Variants in KYNU observed in about 807,000 individuals in gnomAD.
KYNU encodes the protein kynureninase.
In KYNU, 54 loss-of-function variants were observed where a neutral mutation model predicts 59.2. The ratio of observed to expected loss-of-function variants is 0.91; its 90% CI spans 0.73 to 1.14. The LOEUF (loss-of-function observed/expected upper bound fraction) is 1.14. Among genes scored for constraint, KYNU ranks in the 50% most tolerant of loss-of-function variants. KYNU has a pLI of 0.00. For synonymous variants in KYNU, 177 were observed against 192.0 expected (o/e 0.92, Z 0.65); for missense variants, 567 against 554.4 (o/e 1.02, Z -0.23).
chr2:142,963,478 C>T (rs940134225), intron 8 of KYNU, among the ~76,000 whole-genome samples: 17 of 152,284 alleles, frequency 1.1e-4, no homozygotes, highest in African/African-American at 3.1e-4. Flanking sequence ...TCACAGATGA[C>T]GCCTTGTTGC....
chr2:142,996,542 A>C lies in KYNU; in HGVS notation c.902+10521A>C, dbSNP rs571749779. On this transcript the variant is annotated intron_variant, in intron 10 of 13. Transcript: ENST00000264170. The stretch of plus-strand genomic sequence containing the variant: ...AACTTACCATTCAGTCTGGGCAGTG[A>C]AAGAAGAGGGATGTTGGGAGAACCT... Among the ~76,000 whole-genome samples, 6 of 152,184 alleles carry C rather than the reference A, an allele frequency of 3.9e-5. No homozygotes were observed. In the East Asian group the frequency reaches 9.7e-4, roughly 25 times the overall value.
rs1684156162 is a variant in KYNU at position 142,956,147 on chromosome 2, G to T, written c.436-56G>T. On this transcript the variant is annotated intron_variant, in intron 5 of 13. Transcript: ENST00000264170. ...ATAAAATGATAGTGTGACATAAAAT[G>T]AACAAATGTATAAATTGTGTATTAA... 7.3e-6 allele frequency: 7 copies of T among 960,068 alleles called. No individual in the cohort carries two copies. In the South Asian group the frequency reaches 8.0e-5, roughly 11 times the overall value. 59.5% of individuals were successfully genotyped at this position (960,068 alleles called of 1,614,324 possible).
chr2:142,951,933 A>G (rs767816634), intron 4 of KYNU, among the ~76,000 whole-genome samples: 18 of 152,208 alleles, frequency 1.2e-4, no homozygotes, highest in Non-Finnish European at 1.5e-4. Flanking sequence ...TACCAAGTGT[A>G]AGTGTAGTTT....
chr2:142,889,716 C>A (rs776166069), intron 2 of KYNU, among the ~76,000 whole-genome samples: 15 of 152,250 alleles, frequency 9.9e-5, no homozygotes, highest in South Asian at 2.1e-4. Flanking sequence ...CTTATTAAAG[C>A]CTTCCAAGAG....
intron 4 of KYNU, among the ~76,000 whole-genome samples, chr2:142,945,531 C>G (rs1205162401): frequency 6.6e-6 from 1 of 152,168 alleles, no homozygotes; most frequent in East Asian, 1.9e-4. Context: ...AGCCTTGAGC[C>G]TATCAGTCAT....
At chr2:142,917,371 A>AG (rs1010842413) in intron 2 of KYNU, among the ~76,000 whole-genome samples, 5 of 152,142 alleles carry the variant, frequency 3.3e-5, no homozygotes. Context: ...GAGCCATGAA[A>AG]ACTGTGGATA....
At chr2:142,973,149 G>A (rs905523489) in intron 8 of KYNU, among the ~76,000 whole-genome samples, 34 of 150,510 alleles carry the variant, frequency 2.3e-4, no homozygotes, top group African/African-American at 7.8e-4. Context: ...ATGGCAAATT[G>A]GTGTCAGCAT....
At position 142,997,017 on chromosome 2, in the gene KYNU, C is replaced by T. The variant is rs1685565916; in HGVS notation, c.902+10996C>T. On this transcript the variant is annotated intron_variant, in intron 10 of 13. Coordinates refer to ENST00000264170, the MANE Select transcript of KYNU (RefSeq NM_003937.3). ...CGGCTATATCAATAACTTCAGTGAC[C>T]CTCCTTTCCACTCCTTTCTGTAATA... 3.3e-5 allele frequency among the ~76,000 whole-genome samples: 5 copies of T among 152,100 alleles called. No homozygotes were observed. In the South Asian group the frequency reaches 1.0e-3, roughly 32 times the overall value.
intron 10 of KYNU, among the ~76,000 whole-genome samples, chr2:143,003,094 C>T (rs917535535): frequency 2.0e-5 from 3 of 152,134 alleles, no homozygotes; most frequent in Middle Eastern, 3.4e-3. Flanking sequence ...TCCATGCTTG[C>T]GGAAAGAATG....
rs1685159013 is a variant in KYNU at position 142,985,067 on chromosome 2, A to G, written c.730-17A>G. On this transcript the variant is annotated splice_polypyrimidine_tract_variant and intron_variant, in intron 8 of 13. Transcript: ENST00000264170. ...TCATGAAGCAAACTTAAAGCTTATT[A>G]TTGTGTTCTTCCCTAGGGTTGTTAT... 3.5e-6 allele frequency: 5 copies of G among 1,424,984 alleles called. No individual in the cohort carries two copies. In the East Asian group the frequency reaches 1.1e-4, roughly 32 times the overall value. The allele number at this position is 1,424,984 out of a possible 1,614,324, so 88.3% of individuals were successfully genotyped here. A position where few individuals can be genotyped will look rare whatever the true frequency, so the allele number is the denominator to read the frequency against.
At chr2:143,022,016 A>G (rs555185114) in intron 10 of KYNU, among the ~76,000 whole-genome samples, 3 of 152,278 alleles carry the variant, frequency 2.0e-5, no homozygotes, top group Admixed American at 1.3e-4. Flanking sequence ...AGACTACCAT[A>G]CTAAAGTATC....
intron 10 of KYNU, among the ~76,000 whole-genome samples, chr2:143,016,891 CCTCT>C (rs1225743640): frequency 6.6e-6 from 1 of 152,102 alleles, no homozygotes; most frequent in Non-Finnish European, 1.5e-5. Context: ...CAATCCCCTC[CCTCT>C]CTCCTCGCTT....
intron 10 of KYNU, among the ~76,000 whole-genome samples, chr2:143,026,744 C>A (rs1048136422): frequency 3.4e-4 from 30 of 87,168 alleles, no homozygotes; most frequent in African/African-American, 2.1e-3. Flanking sequence ...CTGCTGTCCG[C>A]AGTCCGCAGT....
intron 10 of KYNU, chr2:142,989,449 G>C (rs1284385610): frequency 1.0e-6 from 1 of 984,864 alleles, no homozygotes; most frequent in Non-Finnish European, 1.2e-6. Context: ...TGCTATTGAT[G>C]TCACACTTTG....
chr2:143,034,148 TATAA>T (rs544687952), intron 12 of KYNU, among the ~76,000 whole-genome samples: 206 of 151,284 alleles, frequency 1.4e-3, no homozygotes, highest in African/African-American at 4.8e-3. Context: ...AATGTAAATG[TATAA>T]ATATTTACAT....
At chr2:142,943,315 C>T (rs1299104940) in intron 4 of KYNU, among the ~76,000 whole-genome samples, 2 of 152,066 alleles carry the variant, frequency 1.3e-5, no homozygotes, top group Non-Finnish European at 1.5e-5. Flanking sequence ...GTTCTTAAAA[C>T]CACAGCCTTT....
intron 10 of KYNU, among the ~76,000 whole-genome samples, chr2:142,997,549 A>G (rs1159450227): frequency 6.6e-6 from 1 of 152,172 alleles, no homozygotes; most frequent in Non-Finnish European, 1.5e-5. Flanking sequence ...GAGGAAAAGA[A>G]TGTTCGCATT....
intron 8 of KYNU, among the ~76,000 whole-genome samples, chr2:142,975,993 G>A (rs1217845736): frequency 6.6e-6 from 1 of 152,084 alleles, no homozygotes; most frequent in African/African-American, 2.4e-5. Context: ...TGTCACAGGT[G>A]CGACTAGCTG....
chr2:142,946,069 G>A (rs548218401), intron 4 of KYNU, among the ~76,000 whole-genome samples: 7 of 151,570 alleles, frequency 4.6e-5, no homozygotes, highest in Admixed American at 2.6e-4. Context: ...TTTAATTTTT[G>A]TATTTTGTTT....
Sources: allele counts gnomAD v4.1 joint callset (sites outside exome capture counted in the v4.1 genomes callset), GRCh38; gene constraint gnomAD v4.1.1; transcripts MANE v1.5; gene names NCBI Gene and HGNC (gene_info 2026-07-23, HGNC 2026-07-21).